The following CCDC38 variants were observed in gnomAD, a reference collection of about 807,000 sequenced individuals.
CCDC38 encodes coiled-coil domain-containing protein 38.
CCDC38 carries 69 observed loss-of-function variants against 72.8 expected under a neutral mutation model. The observed-to-expected ratio is 0.95, with a 90% confidence interval of 0.78 to 1.16. CCDC38 has a LOEUF of 1.16. Among genes scored for constraint, CCDC38 ranks in the 50% most tolerant of loss-of-function variants. The pLI is 0.00. For missense variants in CCDC38, 626 were observed against 638.9 expected, an observed-to-expected ratio of 0.98 and a Z score of 0.22; for synonymous variants, 201 against 213.2, an observed-to-expected ratio of 0.94 and a Z score of 0.50.
intron 4 of CCDC38, among the ~76,000 whole-genome samples, chr12:95,914,945 T>A (rs73231440): frequency 6.6e-6 from 1 of 152,228 alleles, no homozygotes; most frequent in African/African-American, 2.4e-5. Flanking sequence ...TAGATTCAGG[T>A]TCAATTTACT....
intron 4 of CCDC38, among the ~76,000 whole-genome samples, chr12:95,912,961 G>T (rs879767713): frequency 2.0e-5 from 3 of 152,118 alleles, no homozygotes; most frequent in Non-Finnish European, 4.4e-5. Flanking sequence ...CTTGGGAGGG[G>T]AGGCTGAGGT....
intron 8 of CCDC38, among the ~76,000 whole-genome samples, chr12:95,893,237 C>T (rs2079847910): frequency 6.6e-6 from 1 of 151,392 alleles, no homozygotes; most frequent in Non-Finnish European, 1.5e-5. Flanking sequence ...CCAGCTCACA[C>T]ACATTAAGGT....
chr12:95,895,099 C>G lies in CCDC38; in HGVS notation c.662G>C (p.Gly221Ala). ...EFLLREYMKY[G>A]FFLLQMSPKH... is the part of the protein sequence containing the mutation. Reference sequence around the variant, plus strand: ...TGGAGACATTTGCAGCAGAAAAAAACCATATTTCATATACTCCCTGAGGAG... The same window carrying G: ...TGGAGACATTTGCAGCAGAAAAAAAGCATATTTCATATACTCCCTGAGGAG... The change falls in exon 8 of 16, where the codon GGT becomes GCT. Residue 221 changes from glycine to alanine, a missense_variant. Physicochemically the swap from Gly to Ala is moderately conservative, Grantham distance 60. Coordinates refer to ENST00000344280, the MANE Select transcript of CCDC38 (RefSeq NM_182496.3). The G allele has an allele frequency of 6.2e-7, 1 of 1,612,622 alleles. No homozygotes were observed. Among genetic ancestry groups the G allele is most frequent in the Non-Finnish European group, 8.5e-7 (1 of 1,179,490 alleles).
chr12:95,926,382 G>A (rs1234562833), intron 2 of CCDC38, among the ~76,000 whole-genome samples: 2 of 151,964 alleles, frequency 1.3e-5, no homozygotes, highest in East Asian at 3.9e-4. Context: ...GGGATCGGTG[G>A]TGATATCCCC....
intron 9 of CCDC38, chr12:95,889,011 C>CTTA (rs950310295): frequency 3.6e-5 from 5 of 139,588 alleles, no homozygotes; most frequent in Non-Finnish European, 5.8e-5. Context: ...CCATCACCAT[C>CTTA]TTATTATTAT....
intron 4 of CCDC38, among the ~76,000 whole-genome samples, chr12:95,909,439 C>T (rs1592786288): frequency 6.6e-6 from 1 of 152,052 alleles, no homozygotes; most frequent in East Asian, 1.9e-4. Context: ...AGCCCTGGAC[C>T]AGATGGATTC....
At chr12:95,902,209 T>C (rs1043315622) in intron 5 of CCDC38, among the ~76,000 whole-genome samples, 1 of 152,206 alleles carries the variant, frequency 6.6e-6, no homozygotes, top group African/African-American at 2.4e-5. Flanking sequence ...TTTTCTAGTT[T>C]AATTGAGGTA....
intron 10 of CCDC38, 96 bp downstream of exon 10, chr12:95,888,362 T>G (rs888579505): frequency 5.6e-6 from 6 of 1,072,186 alleles, no homozygotes; most frequent in Non-Finnish European, 8.6e-6. Context: ...ACAACAGTTA[T>G]GGGTACATGA....
At chr12:95,886,104 C>A (rs2079756086) in intron 10 of CCDC38, among the ~76,000 whole-genome samples, 1 of 152,146 alleles carries the variant, frequency 6.6e-6, no homozygotes, top group Non-Finnish European at 1.5e-5. Flanking sequence ...TAGTCAAGAT[C>A]ATGTGGCAGG....
intron 4 of CCDC38, among the ~76,000 whole-genome samples, chr12:95,909,567 C>T (rs1337938056): frequency 6.6e-6 from 1 of 152,120 alleles, no homozygotes; most frequent in Non-Finnish European, 1.5e-5. Context: ...TTGGTATCAT[C>T]CTGATATCAA....
intron 2 of CCDC38, 51 bp downstream of exon 2, chr12:95,936,422 G>A: frequency 6.5e-7 from 1 of 1,539,980 alleles, no homozygotes; most frequent in Non-Finnish European, 8.9e-7. Flanking sequence ...CTGTTATGGA[G>A]CCTAACACTG....
chr12:95,909,860 G>A, intron 4 of CCDC38, among the ~76,000 whole-genome samples: 1 of 152,124 alleles, frequency 6.6e-6, no homozygotes, highest in East Asian at 1.9e-4. Flanking sequence ...ATCCCCTTAT[G>A]ATAAATACAC....
chr12:95,930,013 C>T (rs2080320636), intron 2 of CCDC38, among the ~76,000 whole-genome samples: 1 of 152,042 alleles, frequency 6.6e-6, no homozygotes, highest in South Asian at 2.1e-4. Flanking sequence ...TTAGGGCCCA[C>T]CCTAAATTCA....
chr12:95,907,282 T>C (rs2080016217), intron 4 of CCDC38, among the ~76,000 whole-genome samples: 1 of 145,212 alleles, frequency 6.9e-6, no homozygotes, highest in Admixed American at 6.7e-5. Context: ...CTTTCCCCCC[T>C]TTCTATTCCA....
chr12:95,896,890 G>A (rs560656149), intron 7 of CCDC38, among the ~76,000 whole-genome samples: 7 of 152,278 alleles, frequency 4.6e-5, no homozygotes, highest in Admixed American at 1.3e-4. Flanking sequence ...TCAACTCGGC[G>A]GCTATTGTGC....
intron 4 of CCDC38, among the ~76,000 whole-genome samples, chr12:95,910,682 C>T (rs1176754132): frequency 6.6e-6 from 1 of 152,074 alleles, no homozygotes; most frequent in African/African-American, 2.4e-5. Flanking sequence ...AGCAACACAG[C>T]AAGAAACCCA....
At chr12:95,890,407 C>A (rs963565278) in intron 9 of CCDC38, among the ~76,000 whole-genome samples, 3 of 152,176 alleles carry the variant, frequency 2.0e-5, no homozygotes, top group African/African-American at 7.2e-5. Context: ...GTTAGAGCTA[C>A]CTCTGCTCTA....
rs1275866284 is a variant in CCDC38 at position 95,942,466 on chromosome 12, A to G, written c.-50T>C. 6.6e-6 allele frequency: 1 copy of G among 152,204 alleles called. No individual in the cohort carries two copies. Among genetic ancestry groups the G allele is most frequent in the Non-Finnish European group, 1.5e-5 (1 of 68,052 alleles). 9.4% of individuals were successfully genotyped at this position (152,204 alleles called of 1,614,324 possible). On this transcript the variant is annotated 5_prime_UTR_variant, in exon 1 of 16. Transcript: ENST00000344280. ...TTGGATCCAGGAGCCTTTCCAACCT[A>G]TCGTTCGGGAAGGCGTTGTGGGAAA...
At chr12:95,903,311 G>T (rs2079968675) in intron 5 of CCDC38, 1 of 592,552 alleles carries the variant, frequency 1.7e-6, no homozygotes, top group Non-Finnish European at 3.0e-6. Flanking sequence ...ATTTTCTGCA[G>T]AGAGGATCGT....
Sources: allele counts gnomAD v4.1 joint callset (sites outside exome capture counted in the v4.1 genomes callset), GRCh38; gene constraint gnomAD v4.1.1; transcripts MANE v1.5; gene names NCBI Gene and HGNC (gene_info 2026-07-23, HGNC 2026-07-21).